Variants in MYO3B observed in about 807,000 individuals in gnomAD.
MYO3B encodes myosin-IIIb.
MYO3B carries 156 observed loss-of-function variants against 174.6 expected under a neutral mutation model. The ratio of observed to expected loss-of-function variants is 0.89; its 90% CI spans 0.78 to 1.02. The LOEUF (loss-of-function observed/expected upper bound fraction) is 1.02, where lower values mean the gene tolerates loss of function less well. Among genes scored for constraint, MYO3B ranks in the 50% least tolerant of loss-of-function variants. MYO3B has a pLI of 0.00. For missense variants in MYO3B, 1,632 were observed against 1,639.4 expected, an observed-to-expected ratio of 1.00 and a Z score of 0.08; for synonymous variants, 563 against 569.1, an observed-to-expected ratio of 0.99 and a Z score of 0.15.
intron 22 of MYO3B, among the ~76,000 whole-genome samples, chr2:170,409,271 C>G (rs1382044135): frequency 1.3e-5 from 2 of 152,222 alleles, no homozygotes; most frequent in East Asian, 1.9e-4. Context: ...TGCAGCCGGT[C>G]TCTGTTCTCC....
intron 30 of MYO3B, among the ~76,000 whole-genome samples, chr2:170,536,325 G>A (rs943748800): frequency 6.6e-6 from 1 of 152,160 alleles, no homozygotes; most frequent in Non-Finnish European, 1.5e-5. Context: ...ATTTATCCTT[G>A]AGCCATGTTC....
At position 170,282,284 on chromosome 2, in the gene MYO3B, G is replaced by T. The variant is rs189568331; in HGVS notation, c.749+46148G>T. On this transcript the variant is annotated intron_variant, in intron 7 of 34. Transcript: ENST00000408978. ...CCATTTTGATTTGATTTTTGTGTAT[G>T]TTGAGAGATAGGGTTCTAGTTTCGT... Among the ~76,000 whole-genome samples, 274 of 152,274 alleles carry T rather than the reference G, an allele frequency of 1.8e-3. 2 individuals carry two copies. Among genetic ancestry groups the T allele is most frequent in the African/African-American group, 5.7e-3 (237 of 41,562 alleles).
At chr2:170,573,229 A>G (rs77485378) in intron 32 of MYO3B, among the ~76,000 whole-genome samples, 712 of 14,464 alleles carry the variant, frequency 0.049, 5 homozygotes, top group African/African-American at 0.14. Flanking sequence ...TACTGTGTGT[A>G]TATATATATA....
At chr2:170,646,635 AT>A (rs1023704007) in intron 32 of MYO3B, among the ~76,000 whole-genome samples, 8 of 152,134 alleles carry the variant, frequency 5.3e-5, no homozygotes, top group African/African-American at 1.9e-4. Flanking sequence ...AGCTCAAGCA[AT>A]CTGCCCGCCT....
At chr2:170,536,965 T>A (rs1575131686) in intron 30 of MYO3B, among the ~76,000 whole-genome samples, 1 of 151,564 alleles carries the variant, frequency 6.6e-6, no homozygotes, top group East Asian at 1.9e-4. Context: ...ACTTTGGGAG[T>A]CTGAGGCAGG....
Position 170,392,399 on chromosome 2 carries a change from T to C in MYO3B, c.1695T>C (p.Thr565=). ...EKPPRYIADE[T]GRVMHDITSK... ...CATTTAGGTACATAGCTGATGAAAC[T>C]GGAAGGGTGATGCACGACATAACTT... is the stretch of plus-strand genomic sequence containing the variant. Residue 565 remains threonine, a synonymous_variant, in exon 16 of 35, where the codon ACT becomes ACC. Transcript: ENST00000408978. 1 of 1,599,904 alleles carries C rather than the reference T, an allele frequency of 6.3e-7. No homozygotes were observed. Among genetic ancestry groups the C allele is most frequent in the Non-Finnish European group, 8.5e-7 (1 of 1,171,446 alleles).
intron 7 of MYO3B, among the ~76,000 whole-genome samples, chr2:170,265,932 G>C (rs2093380005): frequency 6.6e-6 from 1 of 152,144 alleles, no homozygotes; most frequent in African/African-American, 2.4e-5. Context: ...ATTAAGCCAA[G>C]GGGAGGCTGG....
intron 32 of MYO3B, among the ~76,000 whole-genome samples, chr2:170,637,496 G>A (rs1347801972): frequency 2.0e-5 from 3 of 152,082 alleles, no homozygotes; most frequent in Non-Finnish European, 4.4e-5. Flanking sequence ...ATTTAAAAGG[G>A]GTGGGGGCAG....
chr2:170,192,717 T>A (rs2092555491), intron 1 of MYO3B, among the ~76,000 whole-genome samples: 1 of 151,616 alleles, frequency 6.6e-6, no homozygotes, highest in South Asian at 2.1e-4. Flanking sequence ...CAGCCCAGCT[T>A]CTTAAGTTTT....
chr2:170,186,005 G>T (rs1375128294), intron 1 of MYO3B, among the ~76,000 whole-genome samples: 1 of 152,098 alleles, frequency 6.6e-6, no homozygotes, highest in Non-Finnish European at 1.5e-5. Context: ...AAACTTTACT[G>T]AATTTATCAG....
intron 5 of MYO3B, among the ~76,000 whole-genome samples, chr2:170,216,722 C>T (rs2092832763): frequency 6.6e-6 from 1 of 152,160 alleles, no homozygotes; most frequent in Admixed American, 6.5e-5. Flanking sequence ...TGCTCTGTTA[C>T]AGATAGTGCA....
intron 7 of MYO3B, among the ~76,000 whole-genome samples, chr2:170,256,791 A>G (rs867958482): frequency 6.6e-6 from 1 of 152,172 alleles, no homozygotes; most frequent in Non-Finnish European, 1.5e-5. Context: ...TAAATGCCCC[A>G]CTTAAAAGGC....
chr2:170,474,604 G>A (rs1006925465), intron 25 of MYO3B, among the ~76,000 whole-genome samples: 11 of 151,218 alleles, frequency 7.3e-5, no homozygotes, highest in African/African-American at 1.9e-4. Context: ...TAAGCCAGGC[G>A]TGGTGGCGCA....
rs550785619 is a variant in MYO3B at position 170,418,428 on chromosome 2, A to G, written c.2650+10584A>G. Among the ~76,000 whole-genome samples the G allele has an allele frequency of 2.0e-5, 3 of 152,362 alleles. No homozygotes were observed. The South Asian group carries it at 6.2e-4, about 32-fold the overall frequency. On this transcript the variant is annotated intron_variant, in intron 22 of 34. Transcript: ENST00000408978. ...TTTCTCTTTGCAAAACTAGAATTTT[A>G]AGCTGGAATCTGGAGAAGTGTGATT...
chr2:170,393,730 T>C (rs2094428367), intron 16 of MYO3B, among the ~76,000 whole-genome samples: 1 of 152,216 alleles, frequency 6.6e-6, no homozygotes, highest in Non-Finnish European at 1.5e-5. Context: ...ATTTTAATCA[T>C]AATAGTACCT....
intron 22 of MYO3B, among the ~76,000 whole-genome samples, chr2:170,429,108 G>A (rs1236387444): frequency 1.3e-5 from 2 of 152,184 alleles, no homozygotes; most frequent in African/African-American, 4.8e-5. Context: ...GAAATTATAT[G>A]ACTGACCTAC....
chr2:170,491,647 A>C (rs577316369), intron 25 of MYO3B, among the ~76,000 whole-genome samples: 20 of 152,290 alleles, frequency 1.3e-4, no homozygotes, highest in Non-Finnish European at 2.5e-4. Context: ...GGACGGTCTC[A>C]ATCTCCTGAC....
At chr2:170,302,570 T>C (rs754739053) in intron 7 of MYO3B, among the ~76,000 whole-genome samples, 2 of 152,220 alleles carry the variant, frequency 1.3e-5, no homozygotes, top group Non-Finnish European at 2.9e-5. Context: ...CTTAAAGCTG[T>C]AACATCTGTT....
At position 170,234,043 on chromosome 2, in the gene MYO3B, C is replaced by T. The variant is rs1029726973; in HGVS notation, c.604-1948C>T. 2.5e-4 allele frequency among the ~76,000 whole-genome samples: 38 copies of T among 149,796 alleles called. 1 individual carries two copies. The highest frequency in any genetic ancestry group is 3.3e-4 in the Admixed American group (5 of 15,088). On this transcript the variant is annotated intron_variant, in intron 6 of 34. Coordinates refer to ENST00000408978, the MANE Select transcript of MYO3B (RefSeq NM_138995.5). ...AAAATTAGCCGGGCGTAGTGGCGGG[C>T]GCCTGTAGTCCCAGCTACTTGGGAG...
Sources: gnomAD v4.1 joint callset for allele counts (sites outside exome capture counted in the v4.1 genomes callset) on GRCh38, gnomAD v4.1.1 for gene constraint, MANE v1.5 for transcripts, NCBI Gene and HGNC (gene_info 2026-07-23, HGNC 2026-07-21) for gene names.